KCNH5: variants seen among roughly 807,000 people sequenced by gnomAD.
KCNH5 encodes potassium voltage-gated channel subfamily H member 5, also known as voltage-gated delayed rectifier potassium channel KCNH5.
Under a neutral mutation model 96.1 loss-of-function variants are expected in KCNH5, and 46 were observed. The ratio of observed to expected loss-of-function variants is 0.48; its 90% CI spans 0.38 to 0.61. The LOEUF (loss-of-function observed/expected upper bound fraction) is 0.61, where lower values mean the gene tolerates loss of function less well. Among genes scored for constraint, KCNH5 ranks in the 20% least tolerant of loss-of-function variants. The probability of loss-of-function intolerance (pLI) is 0.00; values close to 1 mark genes in which losing one functional copy is unlikely to be tolerated. For missense variants in KCNH5, 907 were observed against 1,225.8 expected, an observed-to-expected ratio of 0.74 and a Z score of 3.88; for synonymous variants, 439 against 449.8, an observed-to-expected ratio of 0.98 and a Z score of 0.30.
intron 7 of KCNH5, among the ~76,000 whole-genome samples, chr14:62,855,762 G>T (rs556082156): frequency 2.0e-5 from 3 of 152,036 alleles, no homozygotes; most frequent in Non-Finnish European, 4.4e-5. Flanking sequence ...TTAAAGACAT[G>T]AAAGAATACA....
chr14:62,969,933 G>A (rs1235930123), intron 6 of KCNH5, among the ~76,000 whole-genome samples: 1 of 148,324 alleles, frequency 6.7e-6, no homozygotes, highest in Non-Finnish European at 1.5e-5. Context: ...GTGGTGGCAT[G>A]CGCCTGTAGC....
intron 5 of KCNH5, among the ~76,000 whole-genome samples, chr14:62,981,789 T>A (rs528741107): frequency 6.6e-6 from 1 of 152,324 alleles, no homozygotes; most frequent in African/African-American, 2.4e-5. Context: ...ATCGCCTGCT[T>A]TTTCCCTTCC....
intron 2 of KCNH5, among the ~76,000 whole-genome samples, chr14:63,010,060 T>C (rs1284919984): frequency 1.3e-5 from 2 of 152,180 alleles, no homozygotes; most frequent in Non-Finnish European, 2.9e-5. Context: ...TTGGTAATTA[T>C]AAATGAACTA....
Position 62,727,364 on chromosome 14 carries a change from C to CA in KCNH5, c.2020-18910dup, listed in dbSNP as rs547889410. On this transcript the variant is annotated intron_variant, in intron 10 of 10. Transcript: ENST00000322893. ...TGGGCAACAGAGTGAGACTCTGTCT[C>CA]AAAAAAAAAAGAAAAAATTGAGTAG... Among the ~76,000 whole-genome samples, 39 of 142,836 alleles carry CA rather than the reference C, an allele frequency of 2.7e-4. No individual in the cohort carries two copies. The South Asian group carries it at 4.7e-3, about 17-fold the overall frequency. 93.7% of individuals were successfully genotyped at this position (142,836 alleles called of 152,430 possible). A position where few individuals can be genotyped will look rare whatever the true frequency, so the allele number is the denominator to read the frequency against.
At chr14:62,953,503 C>A (rs1384050846) in intron 6 of KCNH5, among the ~76,000 whole-genome samples, 1 of 152,232 alleles carries the variant, frequency 6.6e-6, no homozygotes, top group Non-Finnish European at 1.5e-5. Context: ...TCTTGGATGT[C>A]CCACAGGTAT....
At chr14:62,913,592 T>C (rs1242825796) in intron 7 of KCNH5, among the ~76,000 whole-genome samples, 2 of 152,148 alleles carry the variant, frequency 1.3e-5, no homozygotes, top group Non-Finnish European at 2.9e-5. Flanking sequence ...AGCAATGGTT[T>C]GTTTAATTAG....
intron 1 of KCNH5, among the ~76,000 whole-genome samples, chr14:63,041,712 T>A (rs556306217): frequency 6.6e-6 from 1 of 152,054 alleles, no homozygotes; most frequent in East Asian, 1.9e-4. Flanking sequence ...TGTGTATCCA[T>A]CCTACTCAAT....
At chr14:63,039,388 T>G (rs1891781254) in intron 1 of KCNH5, among the ~76,000 whole-genome samples, 1 of 152,210 alleles carries the variant, frequency 6.6e-6, no homozygotes, top group South Asian at 2.1e-4. Flanking sequence ...ATACTAGGAT[T>G]ACATAACATC....
chr14:62,710,032 T>G (rs1266141462), intron 10 of KCNH5, among the ~76,000 whole-genome samples: 1 of 152,182 alleles, frequency 6.6e-6, no homozygotes, highest in Admixed American at 6.5e-5. Context: ...TCTCTCTCCT[T>G]GAACTCTCAT....
chr14:62,871,290 A>C (rs947208798), intron 7 of KCNH5, among the ~76,000 whole-genome samples: 1 of 152,192 alleles, frequency 6.6e-6, no homozygotes, highest in Non-Finnish European at 1.5e-5. Context: ...CAAATGCTAC[A>C]TAGGGTGCTA....
At chr14:62,861,284 T>TTTC (rs1315964485) in intron 7 of KCNH5, among the ~76,000 whole-genome samples, 2 of 151,958 alleles carry the variant, frequency 1.3e-5, no homozygotes, top group African/African-American at 4.8e-5. Flanking sequence ...TTTTTTTTTT[T>TTTC]TGAGACAGAG....
At chr14:62,737,284 C>T (rs539327510) in intron 10 of KCNH5, among the ~76,000 whole-genome samples, 1 of 152,270 alleles carries the variant, frequency 6.6e-6, no homozygotes, top group African/African-American at 2.4e-5. Flanking sequence ...ATACCTAGAA[C>T]ATATAGCATT....
chr14:62,736,445 T>A (rs1363126186), intron 10 of KCNH5, among the ~76,000 whole-genome samples: 1 of 150,134 alleles, frequency 6.7e-6, no homozygotes, highest in African/African-American at 2.4e-5. Context: ...GCCTGATGGC[T>A]AAGGTCAGCA....
intron 10 of KCNH5, among the ~76,000 whole-genome samples, chr14:62,721,442 AT>A (rs1274014227): frequency 6.6e-6 from 1 of 151,776 alleles, no homozygotes. Context: ...CTCTGGTCTG[AT>A]TTAATCTTTT....
At chr14:62,854,091 T>C (rs1230104799) in intron 7 of KCNH5, among the ~76,000 whole-genome samples, 3 of 151,926 alleles carry the variant, frequency 2.0e-5, no homozygotes, top group African/African-American at 7.3e-5. Flanking sequence ...AACATCCTCT[T>C]CCCTCACTAT....
At chr14:62,791,311 A>T (rs1886429088) in intron 9 of KCNH5, among the ~76,000 whole-genome samples, 2 of 151,728 alleles carry the variant, frequency 1.3e-5, no homozygotes, top group African/African-American at 4.8e-5. Flanking sequence ...AAATGGTCAA[A>T]AATAACCATA....
intron 6 of KCNH5, among the ~76,000 whole-genome samples, chr14:62,954,671 A>T (rs1367647869): frequency 6.6e-6 from 1 of 152,182 alleles, no homozygotes; most frequent in Admixed American, 6.6e-5. Flanking sequence ...TACACTGACT[A>T]GGTGTATTAC....
At chr14:62,882,050 G>T (rs778836223) in intron 7 of KCNH5, among the ~76,000 whole-genome samples, 7 of 145,384 alleles carry the variant, frequency 4.8e-5, no homozygotes, top group Non-Finnish European at 8.9e-5. Context: ...GATCCATTGA[G>T]GCCCAGAGTT....
chr14:62,801,504 T>A (rs980857056), intron 9 of KCNH5, among the ~76,000 whole-genome samples: 24 of 145,550 alleles, frequency 1.6e-4, no homozygotes, highest in African/African-American at 5.5e-4. Context: ...TGGCAATTTT[T>A]TTTTTTTTTT....
Sources: allele counts gnomAD v4.1 joint callset (sites outside exome capture counted in the v4.1 genomes callset), GRCh38; gene constraint gnomAD v4.1.1; transcripts MANE v1.5; gene names NCBI Gene and HGNC (gene_info 2026-07-23, HGNC 2026-07-21).